ATRX: variants seen among roughly 807,000 people sequenced by gnomAD.
The protein encoded by ATRX is ATRX chromatin remodeler.
Under a neutral mutation model 172.6 loss-of-function variants are expected in ATRX, and 12 were observed. The ratio of observed to expected loss-of-function variants is 0.07; its 90% confidence interval spans 0.04 to 0.11. The LOEUF is 0.11. Ranked by LOEUF, ATRX falls within the 10% of genes least tolerant of loss-of-function variation. The pLI, the probability that ATRX is intolerant of heterozygous loss-of-function variation, is 1.00. For synonymous variants in ATRX, 674 were observed against 594.7 expected (o/e 1.13, Z -1.94); for missense variants, 1,368 against 1,767.4 (o/e 0.77, Z 4.05).
chrX:77,626,233 A>G (rs1557102879), intron 19 of ATRX, among the ~76,000 whole-genome samples: 1 of 106,793 alleles, frequency 9.4e-6, no homozygotes, highest in Non-Finnish European at 1.9e-5. Context: ...AAGCTAGGCT[A>G]TGAGGACACA....
At chrX:77,753,607 A>G (rs2075379427) in intron 1 of ATRX, among the ~76,000 whole-genome samples, 1 of 111,779 alleles carries the variant, frequency 8.9e-6, no homozygotes, top group Non-Finnish European at 1.9e-5. Context: ...TTAGTGATAT[A>G]AATTCCCCTC....
rs940802664 is a variant in ATRX, at chrX:77,667,815, A to G, written c.3810-3037T>C. Among the ~76,000 whole-genome samples, 3 of 112,022 alleles carry G rather than the reference A, an allele frequency of 2.7e-5. No homozygotes were observed. The South Asian group carries it at 1.1e-3, about 41-fold the overall frequency. On this transcript the variant is annotated intron_variant, in intron 10 of 34. Coordinates refer to ENST00000373344, the MANE Select transcript of ATRX (RefSeq NM_000489.6). ...GTACAACTTAGCGACAACTTTCAGT[A>G]AGATCATAACATATAGAACAATCAT...
In ATRX at chrX:77,628,693, G is replaced by T. The variant is rs782427437; in HGVS notation, c.5134+4514C>A. 9.0e-5 allele frequency among the ~76,000 whole-genome samples: 10 copies of T among 111,509 alleles called. No homozygotes were observed. In the East Asian group the frequency reaches 2.8e-3, roughly 31 times the overall value. On this transcript the variant is annotated intron_variant, in intron 19 of 34. Transcript: ENST00000373344. ...AGTGATCATAGTTCACTGCTTCCTT[G>T]AACTCCTGGACTCAAGCAATCATCC...
At chrX:77,722,767 G>T (rs1164375358) in intron 1 of ATRX, among the ~76,000 whole-genome samples, 2 of 111,680 alleles carry the variant, frequency 1.8e-5, no homozygotes, top group Admixed American at 1.9e-4. Flanking sequence ...TTCAACCATC[G>T]TGGCAGACAG....
chrX:77,725,223 A>C (rs1000042499), intron 1 of ATRX, among the ~76,000 whole-genome samples: 1 of 111,817 alleles, frequency 8.9e-6, no homozygotes, highest in Non-Finnish European at 1.9e-5. Context: ...TTCAAACTAT[A>C]CTACAAGGCT....
intron 15 of ATRX, among the ~76,000 whole-genome samples, chrX:77,639,965 A>T (rs781786588): frequency 3.6e-5 from 4 of 112,553 alleles, no homozygotes; most frequent in Non-Finnish European, 7.5e-5. Context: ...AGGTAAACAA[A>T]ATGTGGTACA....
rs2062700917 is a variant in ATRX, at chrX:77,506,068, C to T, written c.*2283G>A. Reference sequence around the variant, plus strand: ...AATACTAAGCAAAAACGCTTTACACCCAAAGAAATAAAACAGGTTACAAAA... The same window carrying T: ...AATACTAAGCAAAAACGCTTTACACTCAAAGAAATAAAACAGGTTACAAAA... On this transcript the variant is annotated 3_prime_UTR_variant, in exon 35 of 35. Coordinates refer to ENST00000373344, the MANE Select transcript of ATRX (RefSeq NM_000489.6). The T allele has an allele frequency of 5.9e-6, 1 of 169,308 alleles. No homozygotes were observed. Among genetic ancestry groups the T allele is most frequent in the African/African-American group, 3.0e-5 (1 of 33,597 alleles). The allele number at this position is 169,308 out of a possible 1,213,427, so 14.0% of individuals were successfully genotyped here.
At chrX:77,627,238 A>T (rs1284796003) in intron 19 of ATRX, among the ~76,000 whole-genome samples, 2 of 111,639 alleles carry the variant, frequency 1.8e-5, no homozygotes, top group Non-Finnish European at 3.8e-5. Flanking sequence ...GTCTCAAAAA[A>T]AAAAATTAAA....
chrX:77,694,337 C>T (rs1225246190), intron 5 of ATRX, among the ~76,000 whole-genome samples: 1 of 111,381 alleles, frequency 9.0e-6, no homozygotes, highest in African/African-American at 3.3e-5. Context: ...TTTTTAAAGA[C>T]ATCCTATTTT....
At chrX:77,606,753 T>G (rs2148191783) in intron 22 of ATRX, among the ~76,000 whole-genome samples, 1 of 45,672 alleles carries the variant, frequency 2.2e-5, no homozygotes, top group South Asian at 1.2e-3. Flanking sequence ...AGACCTCATC[T>G]CTACAAAAAA....
chrX:77,777,187 C>G (rs1292315452), intron 1 of ATRX, among the ~76,000 whole-genome samples: 4 of 56,598 alleles, frequency 7.1e-5, no homozygotes, highest in Non-Finnish European at 1.1e-4. Context: ...AACCCTGTCT[C>G]TACTAAAAAA....
intron 15 of ATRX, among the ~76,000 whole-genome samples, chrX:77,638,914 T>C (rs1225319226): frequency 1.8e-5 from 2 of 112,493 alleles, no homozygotes; most frequent in Non-Finnish European, 3.7e-5. Flanking sequence ...TTCTGGAGAC[T>C]GAATAAGGCA....
intron 1 of ATRX, among the ~76,000 whole-genome samples, chrX:77,747,596 TATA>T (rs2075134291): frequency 8.9e-6 from 1 of 111,825 alleles, no homozygotes; most frequent in Non-Finnish European, 1.9e-5. Context: ...TTACTCATTT[TATA>T]ATATTTACAC....
At chrX:77,590,679 T>C (rs1269931751) in intron 26 of ATRX, among the ~76,000 whole-genome samples, 2 of 103,952 alleles carry the variant, frequency 1.9e-5, no homozygotes, top group Non-Finnish European at 3.9e-5. Context: ...ACAAAAACAA[T>C]GGTCTTAGCA....
chrX:77,635,099 T>C (rs782798761), intron 16 of ATRX, among the ~76,000 whole-genome samples: 5 of 111,071 alleles, frequency 4.5e-5, no homozygotes, highest in African/African-American at 1.6e-4. Context: ...CTGGCCAACA[T>C]GGTGAAACCC....
At chrX:77,552,067 C>T (rs1450510620) in intron 30 of ATRX, among the ~76,000 whole-genome samples, 2 of 111,446 alleles carry the variant, frequency 1.8e-5, no homozygotes, top group Non-Finnish European at 3.8e-5. Flanking sequence ...TGTGGCGATT[C>T]CTCAAGGATC....
In ATRX at chrX:77,682,970, C is replaced by G. The variant is rs1490691498; in HGVS notation, c.2286G>C (p.Lys762Asn). Residue 762 changes from lysine to asparagine, a missense_variant, in exon 9 of 35, where the codon AAG becomes AAC. Transcript: ENST00000373344. ...TDINEIHTNHKTLYDLKTQAG... is the reference protein window; with the variant it reads ...TDINEIHTNHNTLYDLKTQAG... ...CCTGAGTCTTTAAATCATACAAAGT[C>G]TTATGGTTTGTATGAATTTCATTAA... 1 of 1,207,582 alleles carries G rather than the reference C, an allele frequency of 8.3e-7. No homozygotes were observed. The highest frequency in any genetic ancestry group is 1.1e-6 in the Non-Finnish European group (1 of 893,804).
intron 2 of ATRX, among the ~76,000 whole-genome samples, chrX:77,714,455 C>A (rs886848185): frequency 9.0e-6 from 1 of 111,674 alleles, no homozygotes; most frequent in Non-Finnish European, 1.9e-5. Context: ...AAAAAGAATA[C>A]CTTAGTAATC....
chrX:77,554,762 A>G (rs1313148133), intron 30 of ATRX, among the ~76,000 whole-genome samples: 2 of 111,906 alleles, frequency 1.8e-5, no homozygotes, highest in Admixed American at 1.9e-4. Context: ...ATAAGCAAAG[A>G]TACTCAGCAC....
Sources: allele counts gnomAD v4.1 joint callset (sites outside exome capture counted in the v4.1 genomes callset), GRCh38; gene constraint gnomAD v4.1.1; transcripts MANE v1.5; gene names NCBI Gene and HGNC (gene_info 2026-07-23, HGNC 2026-07-21).